NTRK3: variants seen among roughly 807,000 people sequenced by gnomAD.
NTRK3 encodes neurotrophic receptor tyrosine kinase 3, also known as NT-3 growth factor receptor.
A neutral mutation model predicts 91.7 loss-of-function variants in NTRK3; 24 were observed. The ratio of observed to expected loss-of-function variants is 0.26; its 90% CI spans 0.19 to 0.37. NTRK3 has a LOEUF of 0.37. Among genes scored for constraint, NTRK3 ranks in the 10% least tolerant of loss-of-function variants. The pLI is 1.00. For synonymous variants in NTRK3, 483 were observed against 404.0 expected (o/e 1.20, Z -2.34); for missense variants, 880 against 1,068.9 (o/e 0.82, Z 2.46).
intron 14 of NTRK3, among the ~76,000 whole-genome samples, chr15:87,950,039 C>CAGCAT (rs370690337): frequency 1.6e-4 from 24 of 152,320 alleles, no homozygotes; most frequent in African/African-American, 5.5e-4. Context: ...TCCTTTCCAG[C>CAGCAT]TACTACCCAG....
intron 13 of NTRK3, among the ~76,000 whole-genome samples, chr15:88,093,675 G>A (rs1416354391): frequency 6.6e-6 from 1 of 152,154 alleles, no homozygotes; most frequent in Non-Finnish European, 1.5e-5. Flanking sequence ...AATCAGCAGT[G>A]CAAACCCAAC....
At chr15:88,176,284 G>A (rs1198604894) in intron 5 of NTRK3, among the ~76,000 whole-genome samples, 1 of 151,948 alleles carries the variant, frequency 6.6e-6, no homozygotes, top group Non-Finnish European at 1.5e-5. Context: ...CTACAGGCAA[G>A]CGCCACCATG....
intron 3 of NTRK3, among the ~76,000 whole-genome samples, chr15:88,219,693 A>G (rs1254383473): frequency 2.0e-5 from 3 of 152,276 alleles, no homozygotes; most frequent in Non-Finnish European, 2.9e-5. Context: ...TGACTTGTCC[A>G]GGCTTCCAGG....
chr15:88,116,668 T>C (rs1597402990), intron 13 of NTRK3, among the ~76,000 whole-genome samples: 1 of 152,164 alleles, frequency 6.6e-6, no homozygotes, highest in East Asian at 1.9e-4. Context: ...GTAACAAATG[T>C]TGACTCGCAG....
chr15:87,945,819 A>AAT (rs1286411454), intron 14 of NTRK3, among the ~76,000 whole-genome samples: 1 of 151,338 alleles, frequency 6.6e-6, no homozygotes, highest in East Asian at 1.9e-4. Flanking sequence ...AAAAAAAAAA[A>AAT]AAAAAAAAAA....
At chr15:87,966,488 G>T (rs1229024229) in intron 14 of NTRK3, among the ~76,000 whole-genome samples, 1 of 152,082 alleles carries the variant, frequency 6.6e-6, no homozygotes, top group African/African-American at 2.4e-5. Context: ...AGTGAAAGGG[G>T]TCTCGCGTAC....
At chr15:87,965,308 A>G (rs976532789) in intron 14 of NTRK3, among the ~76,000 whole-genome samples, 1 of 152,234 alleles carries the variant, frequency 6.6e-6, no homozygotes, top group Non-Finnish European at 1.5e-5. Context: ...ATTAAAAGAA[A>G]AAAACTATCC....
chr15:88,160,245 C>T (rs574314565), intron 5 of NTRK3, among the ~76,000 whole-genome samples: 2 of 152,144 alleles, frequency 1.3e-5, no homozygotes, highest in Non-Finnish European at 2.9e-5. Context: ...AGGGAAGAGA[C>T]GAGCACGTAG....
At chr15:87,983,711 A>C (rs2074489293) in intron 14 of NTRK3, among the ~76,000 whole-genome samples, 2 of 152,196 alleles carry the variant, frequency 1.3e-5, no homozygotes, top group Non-Finnish European at 2.9e-5. Flanking sequence ...ACCACTTTGC[A>C]ATACGGATCT....
chr15:88,148,059 A>G (rs2043043857), intron 5 of NTRK3, among the ~76,000 whole-genome samples: 1 of 152,250 alleles, frequency 6.6e-6, no homozygotes, highest in Admixed American at 6.5e-5. Flanking sequence ...CCTTAAAGGC[A>G]GCAGTTAGAC....
intron 13 of NTRK3, among the ~76,000 whole-genome samples, chr15:88,038,715 A>T (rs2079300330): frequency 6.6e-6 from 1 of 152,188 alleles, no homozygotes; most frequent in Non-Finnish European, 1.5e-5. Context: ...TAAAGTCTAA[A>T]AGACAAAAAT....
chr15:88,206,084 C>A lies in NTRK3; in HGVS notation c.249-21785G>T, dbSNP rs370702213. On this transcript the variant is annotated intron_variant, in intron 3 of 18. Transcript: ENST00000394480. ...GCCGGGCGCGGTGGCTCACGCCTGT[C>A]ATCCCAGCACTTTGGGAGGCCGAGG... 4.7e-3 allele frequency among the ~76,000 whole-genome samples: 653 copies of A among 138,700 alleles called. 6 individuals carry two copies. The highest frequency in any genetic ancestry group is 0.033 in the East Asian group (148 of 4,526). 91.0% of individuals were successfully genotyped at this position (138,700 alleles called of 152,430 possible). A position where few individuals can be genotyped will look rare whatever the true frequency, so the allele number is the denominator to read the frequency against.
chr15:87,957,878 T>G lies in NTRK3; in HGVS notation c.1586-17125A>C, dbSNP rs547264627. Among the ~76,000 whole-genome samples, 6 of 152,234 alleles carry G rather than the reference T, an allele frequency of 3.9e-5. No individual in the cohort carries two copies. In the South Asian group the frequency reaches 1.0e-3, roughly 26 times the overall value. On this transcript the variant is annotated intron_variant, in intron 14 of 18. Transcript: ENST00000394480. ...TGTAAATTCAAAAGTAGGCTCAACCTGGGAAAGGAAAGAACTAAATTGCTC... is the reference window on the plus strand; with the variant it reads ...TGTAAATTCAAAAGTAGGCTCAACCGGGGAAAGGAAAGAACTAAATTGCTC...
At chr15:88,094,329 C>T (rs1256161615) in intron 13 of NTRK3, among the ~76,000 whole-genome samples, 3 of 151,688 alleles carry the variant, frequency 2.0e-5, no homozygotes, top group East Asian at 1.9e-4. Context: ...ATTAGCCGGG[C>T]GCGGTGGCGG....
chr15:87,871,613 A>G (rs1425276497), exon 19 of NTRK3: 2 of 229,524 alleles, frequency 8.7e-6, no homozygotes, highest in Non-Finnish European at 1.7e-5. Context: ...AATTTAGTTC[A>G]GAGAGCACCA....
chr15:88,006,473 A>C (rs1446199913), intron 14 of NTRK3, among the ~76,000 whole-genome samples: 4 of 152,212 alleles, frequency 2.6e-5, no homozygotes. Context: ...GCACAACTGC[A>C]GGTCACATGA....
At chr15:88,205,107 G>A (rs540643775) in intron 3 of NTRK3, among the ~76,000 whole-genome samples, 5 of 152,308 alleles carry the variant, frequency 3.3e-5, no homozygotes, top group African/African-American at 4.8e-5. Context: ...AGGGCTGACA[G>A]TGACGTTCAT....
At chr15:88,135,609 C>A (rs1323602169) in intron 9 of NTRK3, among the ~76,000 whole-genome samples, 1 of 152,216 alleles carries the variant, frequency 6.6e-6, no homozygotes. Context: ...AGGGCTCCCT[C>A]TTGGGACCTC....
chr15:87,876,716 A>AATATAT (rs147238996), exon 19 of NTRK3: 31 of 193,464 alleles, frequency 1.6e-4, no homozygotes, highest in Admixed American at 2.5e-4. Flanking sequence ...TAGATATATA[A>AATATAT]ATATATATAT....
Sources: gnomAD v4.1 joint callset for allele counts (sites outside exome capture counted in the v4.1 genomes callset) on GRCh38, gnomAD v4.1.1 for gene constraint, MANE v1.5 for transcripts, NCBI Gene and HGNC (gene_info 2026-07-23, HGNC 2026-07-21) for gene names.